FSTL4: variants seen among roughly 807,000 people sequenced by gnomAD.
The protein encoded by FSTL4 is follistatin-related protein 4.
In FSTL4, 28 loss-of-function variants were observed where a neutral mutation model predicts 78.2. That is an observed-to-expected ratio of 0.36 (90% CI 0.27 to 0.49). FSTL4 has a LOEUF of 0.49. FSTL4 is among the 20% of genes least tolerant of loss of function. The pLI is 0.98. For synonymous variants in FSTL4, 422 were observed against 440.5 expected (o/e 0.96, Z 0.53); for missense variants, 922 against 1,084.9 (o/e 0.85, Z 2.11).
chr5:133,456,076 C>T (rs1346567293), intron 3 of FSTL4, among the ~76,000 whole-genome samples: 2 of 152,212 alleles, frequency 1.3e-5, no homozygotes, highest in African/African-American at 4.8e-5. Flanking sequence ...GTTAGCAATG[C>T]AGGTATTTCC....
chr5:133,739,287 CT>C, the FSTL4 span, among the ~76,000 whole-genome samples: 6,468 of 143,792 alleles, frequency 0.045, 321 homozygotes, highest in African/African-American at 0.12. Context: ...TTTTCTTTTT[CT>C]TTTTTTTTTT....
intron 6 of FSTL4, among the ~76,000 whole-genome samples, chr5:133,255,194 C>T (rs1752354815): frequency 6.6e-6 from 1 of 152,162 alleles, no homozygotes; most frequent in Non-Finnish European, 1.5e-5. Context: ...GACGCTGTGT[C>T]TGGGGTGAGA....
chr5:133,329,019 G>A (rs567582146), intron 4 of FSTL4, among the ~76,000 whole-genome samples: 1 of 152,256 alleles, frequency 6.6e-6, no homozygotes, highest in East Asian at 1.9e-4. Context: ...CTGAGTGGTG[G>A]GCACATCCAT....
the FSTL4 span, among the ~76,000 whole-genome samples, chr5:133,626,346 T>G: frequency 1.1e-5 from 1 of 90,110 alleles, no homozygotes. Flanking sequence ...ATTCCATATA[T>G]ATATATTCCA....
rs573679194 is a variant in FSTL4, at chr5:133,434,102, G to C, written c.161-33116C>G. Among the ~76,000 whole-genome samples the C allele has an allele frequency of 5.9e-5, 9 of 152,272 alleles. No individual in the cohort carries two copies. The South Asian group carries it at 1.9e-3, about 32-fold the overall frequency. ...GTCTGCAACGGGGCAAAAGGGGAGG[G>C]AGGGAGACCAATGGGAGGCTTCTAA... is the stretch of plus-strand genomic sequence containing the variant. On this transcript the variant is annotated intron_variant, in intron 3 of 15. Transcript: ENST00000265342.
chr5:133,759,301 A>G, the FSTL4 span, among the ~76,000 whole-genome samples: 1 of 152,226 alleles, frequency 6.6e-6, no homozygotes, highest in Non-Finnish European at 1.5e-5. Flanking sequence ...GCCAATACTC[A>G]ATGGTGGAGG....
At chr5:133,825,843 T>C in the FSTL4 span, among the ~76,000 whole-genome samples, 3 of 152,218 alleles carry the variant, frequency 2.0e-5, no homozygotes, top group African/African-American at 7.2e-5. Context: ...GGAGAAGCAA[T>C]GGCCCCCAGC....
intron 4 of FSTL4, among the ~76,000 whole-genome samples, chr5:133,397,139 G>A (rs1366402026): frequency 6.6e-6 from 1 of 152,202 alleles, no homozygotes; most frequent in Non-Finnish European, 1.5e-5. Context: ...GAGATAAAGC[G>A]TGAATTCAAA....
the FSTL4 span, among the ~76,000 whole-genome samples, chr5:133,712,318 A>T: frequency 6.6e-6 from 1 of 152,150 alleles, no homozygotes; most frequent in African/African-American, 2.4e-5. Flanking sequence ...GTGGTGCTTT[A>T]TAAGTAGGCC....
the FSTL4 span, among the ~76,000 whole-genome samples, chr5:133,619,424 T>C: frequency 6.6e-6 from 1 of 152,176 alleles, no homozygotes; most frequent in African/African-American, 2.4e-5. Context: ...TGAAAACACA[T>C]CAAATGAAAA....
At chr5:133,811,599 A>G in the FSTL4 span, among the ~76,000 whole-genome samples, 1 of 152,198 alleles carries the variant, frequency 6.6e-6, no homozygotes, top group East Asian at 1.9e-4. Flanking sequence ...CATGCCTGAC[A>G]CCACACAGGG....
chr5:133,753,683 CTGTGTGTGTGTGTG>C, the FSTL4 span, among the ~76,000 whole-genome samples: 6 of 120,694 alleles, frequency 5.0e-5, no homozygotes, highest in African/African-American at 9.1e-5. Flanking sequence ...CACATTTGTT[CTGTGTGTGTGTGTG>C]TGTGTGTGTG....
At chr5:133,503,887 C>T (rs774747718) in intron 3 of FSTL4, among the ~76,000 whole-genome samples, 4 of 152,202 alleles carry the variant, frequency 2.6e-5, no homozygotes, top group Non-Finnish European at 5.9e-5. Context: ...TTAATTGACT[C>T]ATAGTTTCCC....
intron 3 of FSTL4, among the ~76,000 whole-genome samples, chr5:133,441,395 A>G (rs1317897510): frequency 6.6e-6 from 1 of 152,190 alleles, no homozygotes; most frequent in Non-Finnish European, 1.5e-5. Flanking sequence ...GAGAGTTGCA[A>G]AAGATGCCTT....
At chr5:133,694,821 C>T in the FSTL4 span, among the ~76,000 whole-genome samples, 1 of 152,206 alleles carries the variant, frequency 6.6e-6, no homozygotes, top group Non-Finnish European at 1.5e-5. Context: ...TGGCCATCTT[C>T]TTCTGTGTCC....
rs181314975 is a variant in FSTL4, at chr5:133,283,681, C to A, written c.727+28973G>T. On this transcript the variant is annotated intron_variant, in intron 6 of 15. Coordinates refer to ENST00000265342, the MANE Select transcript of FSTL4 (RefSeq NM_015082.2). ...TGCCAGGGGCAGTGGCTCATAGAAA[C>A]CATTATGAGGAATTGGACAGTGGGC... 8.5e-4 allele frequency among the ~76,000 whole-genome samples: 130 copies of A among 152,224 alleles called. 1 individual carries two copies. The highest frequency in any genetic ancestry group is 3.0e-3 in the African/African-American group (126 of 41,526).
chr5:133,726,121 C>T, the FSTL4 span, among the ~76,000 whole-genome samples: 1 of 152,188 alleles, frequency 6.6e-6, no homozygotes, highest in Admixed American at 6.5e-5. Flanking sequence ...GATAGCATCT[C>T]CTCCATATGG....
rs1367246517 is a variant in FSTL4 at position 133,611,767 on chromosome 5, G to A, written c.-11+558C>T. ...CGGGGAAGCCAGGGCCAGGCGAAGC[G>A]CAGCGGGCCCTTTGGGCTGCAGCGA... On this transcript the variant is annotated intron_variant, in intron 1 of 15. Coordinates refer to ENST00000265342, the MANE Select transcript of FSTL4 (RefSeq NM_015082.2). The surrounding 1 kb of genome is among the most constrained non-coding windows in gnomAD (Gnocchi z 4.9). Among the ~76,000 whole-genome samples, 2 of 152,184 alleles carry A rather than the reference G, an allele frequency of 1.3e-5. No homozygotes were observed. Among genetic ancestry groups the A allele is most frequent in the African/African-American group, 4.8e-5 (2 of 41,466 alleles).
At chr5:133,820,332 T>C in the FSTL4 span, among the ~76,000 whole-genome samples, 2 of 152,226 alleles carry the variant, frequency 1.3e-5, no homozygotes, top group African/African-American at 4.8e-5. Context: ...TCAAGGCAAA[T>C]TCCCACATTT....
Sources: allele counts gnomAD v4.1 joint callset (sites outside exome capture counted in the v4.1 genomes callset), GRCh38; gene constraint gnomAD v4.1.1; non-coding constraint Gnocchi (gnomAD v3.1); transcripts MANE v1.5; gene names NCBI Gene and HGNC (gene_info 2026-07-23, HGNC 2026-07-21).